The following CFAP70 variants were observed in gnomAD, a reference collection of about 807,000 sequenced individuals.
The protein encoded by CFAP70 is cilia and flagella associated protein 70.
In CFAP70, 81 loss-of-function variants were observed where a neutral mutation model predicts 137.6. That is an observed-to-expected ratio of 0.59 (90% CI 0.49 to 0.71). CFAP70 has a LOEUF of 0.71. Among genes scored for constraint, CFAP70 ranks in the 30% least tolerant of loss-of-function variants. The pLI is 0.00. For synonymous variants in CFAP70, 382 were observed against 423.6 expected (o/e 0.90, Z 1.20); for missense variants, 976 against 1,226.7 (o/e 0.80, Z 3.05).
intron 25 of CFAP70, among the ~76,000 whole-genome samples, chr10:73,258,545 G>A (rs2044759437): frequency 6.6e-6 from 1 of 152,196 alleles, no homozygotes; most frequent in Non-Finnish European, 1.5e-5. Flanking sequence ...TGAAATCTGG[G>A]CATCCAAAAG....
At chr10:73,283,918 ATTAT>A (rs2047451482) in intron 19 of CFAP70, among the ~76,000 whole-genome samples, 1 of 152,206 alleles carries the variant, frequency 6.6e-6, no homozygotes, top group South Asian at 2.1e-4. Flanking sequence ...TTTAAAAATT[ATTAT>A]TTAAAGTCAG....
chr10:73,289,079 T>C (rs2047960680), intron 19 of CFAP70, among the ~76,000 whole-genome samples: 1 of 152,190 alleles, frequency 6.6e-6, no homozygotes. Context: ...AAATTAACTC[T>C]TCTAATTAAA....
At chr10:73,338,072 T>A (rs1464538401) in intron 6 of CFAP70, among the ~76,000 whole-genome samples, 3 of 152,070 alleles carry the variant, frequency 2.0e-5, no homozygotes, top group Non-Finnish European at 4.4e-5. Flanking sequence ...TTTTGTGTTG[T>A]TTTCTTCTAA....
intron 18 of CFAP70, 83 bp from the exon 20 acceptor site, chr10:73,291,527 C>T: frequency 1.3e-6 from 2 of 1,510,078 alleles, no homozygotes; most frequent in Non-Finnish European, 1.8e-6. Context: ...TTATTTTTCC[C>T]ATATTTTACC....
intron 12 of CFAP70, among the ~76,000 whole-genome samples, chr10:73,304,347 C>A (rs2049204306): frequency 6.6e-6 from 1 of 152,166 alleles, no homozygotes; most frequent in Admixed American, 6.5e-5. Context: ...AGCCACTGCA[C>A]CCGGCCCATT....
chr10:73,361,658 T>C (rs1239278397), upstream of CFAP70, among the ~76,000 whole-genome samples: 1 of 152,220 alleles, frequency 6.6e-6, no homozygotes, highest in Non-Finnish European at 1.5e-5. Flanking sequence ...TGCCTTAGTC[T>C]GAGTTTCAAA....
chr10:73,282,925 G>A (rs1404116868), intron 19 of CFAP70, among the ~76,000 whole-genome samples: 1 of 146,782 alleles, frequency 6.8e-6, no homozygotes, highest in East Asian at 2.0e-4. Context: ...CTCTGCCTCC[G>A]GAGTTAAAGT....
exon 4 of CFAP70, chr10:73,348,444 C>G (rs1284346871): frequency 6.4e-7 from 1 of 1,572,386 alleles, no homozygotes; most frequent in Non-Finnish European, 8.6e-7. Flanking sequence ...GGAAGAAGGT[C>G]CACCACAGCC....
Position 73,305,580 on chromosome 10 carries a change from A to G in CFAP70, c.1256+4578T>C, listed in dbSNP as rs546835083. Reference sequence around the variant, plus strand: ...TGCCTCAGCACAGAGCCATCTGTAAAGATTGGCAGAAAAGATTTTTTGTTT... The same window carrying G: ...TGCCTCAGCACAGAGCCATCTGTAAGGATTGGCAGAAAAGATTTTTTGTTT... On this transcript the variant is annotated intron_variant, in intron 12 of 26. Coordinates refer to ENST00000310715, the Ensembl canonical transcript of CFAP70. Among the ~76,000 whole-genome samples the G allele has an allele frequency of 1.6e-4, 24 of 152,358 alleles. No individual in the cohort carries two copies. In the South Asian group the frequency reaches 5.0e-3, roughly 32 times the overall value.
chr10:73,301,785 G>A (rs1461913415), intron 12 of CFAP70, among the ~76,000 whole-genome samples: 2 of 151,974 alleles, frequency 1.3e-5, no homozygotes, highest in Non-Finnish European at 2.9e-5. Flanking sequence ...AGTTCACATC[G>A]GACAGGTAAT....
intron 4 of CFAP70, chr10:73,348,225 T>C: frequency 6.2e-7 from 1 of 1,614,164 alleles, no homozygotes; most frequent in South Asian, 1.1e-5. Context: ...TTGTTTGAAA[T>C]GAACTCTGTC....
intron 1 of CFAP70, among the ~76,000 whole-genome samples, chr10:73,358,140 T>C (rs1399169511): frequency 6.6e-6 from 1 of 152,250 alleles, no homozygotes; most frequent in African/African-American, 2.4e-5. Flanking sequence ...GTATTATTAA[T>C]ATGCAGCGTT....
intron 3 of CFAP70, among the ~76,000 whole-genome samples, chr10:73,350,542 G>T (rs1426049892): frequency 6.6e-6 from 1 of 151,888 alleles, no homozygotes. Context: ...AGGTAAATTT[G>T]CCTTCTGTCT....
intron 9 of CFAP70, among the ~76,000 whole-genome samples, chr10:73,320,627 C>G (rs1021561682): frequency 6.6e-6 from 1 of 152,032 alleles, no homozygotes; most frequent in Admixed American, 6.6e-5. Context: ...CCATGCCCAG[C>G]CTTCTTTCCC....
At chr10:73,359,054 G>A (rs184423085), upstream of CFAP70, among the ~76,000 whole-genome samples, 3 of 152,266 alleles carry the variant, frequency 2.0e-5, no homozygotes, top group East Asian at 1.9e-4. Flanking sequence ...TAAAGAAAAA[G>A]GCCTTTATTA....
chr10:73,266,336 AACCATCATTGTT>A (rs2045769541), intron 25 of CFAP70, among the ~76,000 whole-genome samples: 2 of 152,182 alleles, frequency 1.3e-5, no homozygotes. Flanking sequence ...CCTGACTAGT[AACCATCATTGTT>A]AGTTTTTTAT....
At chr10:73,313,909 A>G (rs1039849846) in intron 9 of CFAP70, among the ~76,000 whole-genome samples, 1 of 152,202 alleles carries the variant, frequency 6.6e-6, no homozygotes, top group African/African-American at 2.4e-5. Flanking sequence ...AATAGTATCT[A>G]TTTAGTTACC....
At chr10:73,320,171 T>C (rs1175061382) in intron 9 of CFAP70, among the ~76,000 whole-genome samples, 1 of 152,158 alleles carries the variant, frequency 6.6e-6, no homozygotes, top group East Asian at 1.9e-4. Flanking sequence ...TTTCATACTT[T>C]TCACTGCTTT....
rs199863243 is a variant in CFAP70 at position 73,277,323 on chromosome 10, G to T, written c.2437C>A (p.Pro813Thr). 140 of 1,614,052 alleles carry T rather than the reference G, an allele frequency of 8.7e-5. 1 individual carries two copies. In the East Asian group the frequency reaches 3.1e-3, roughly 36 times the overall value. ...TGAGAAACACCATAATGAAGGCCGG[G>T]ATGCAGAAGAGCTGATGAATCTTGA... The change falls in exon 21 of 27, where the codon CCC becomes ACC. Residue 813 changes from proline (P) to threonine (T), a missense_variant. By Grantham distance (38) the Pro-to-Thr change is conservative. Coordinates refer to ENST00000310715, the Ensembl canonical transcript of CFAP70.
Sources: allele counts gnomAD v4.1 joint callset (sites outside exome capture counted in the v4.1 genomes callset), GRCh38; gene constraint gnomAD v4.1.1; transcripts MANE v1.5; gene names NCBI Gene and HGNC (gene_info 2026-07-23, HGNC 2026-07-21).